Variants in PALS2 observed in about 807,000 individuals in gnomAD.
The protein encoded by PALS2 is protein associated with LIN7 2, MAGUK p55 family member, also known as protein PALS2.
A neutral mutation model predicts 61.6 loss-of-function variants in PALS2; 27 were observed. That is an observed-to-expected ratio of 0.44 (90% CI 0.32 to 0.60). PALS2 has a LOEUF of 0.60. Ranked by LOEUF, PALS2 falls within the 20% of genes least tolerant of loss-of-function variation. The pLI is 0.05. For synonymous variants in PALS2, 236 were observed against 218.6 expected, an observed-to-expected ratio of 1.08 and a Z score of -0.70; for missense variants, 554 against 639.4, an observed-to-expected ratio of 0.87 and a Z score of 1.44.
chr7:24,640,358 T>A (rs1160562661), intron 2 of PALS2, among the ~76,000 whole-genome samples: 1 of 152,164 alleles, frequency 6.6e-6, no homozygotes, highest in Non-Finnish European at 1.5e-5. Context: ...GCAAGAAAAA[T>A]TGTCTTTTAA....
At chr7:24,587,524 C>A (rs7800479) in intron 1 of PALS2, among the ~76,000 whole-genome samples, 9,512 of 146,688 alleles carry the variant, frequency 0.065, 355 homozygotes, top group African/African-American at 0.098. Flanking sequence ...ACCACTATGC[C>A]CAGCTAATTT....
At chr7:24,669,977 G>A (rs1461095574) in intron 9 of PALS2, among the ~76,000 whole-genome samples, 3 of 151,958 alleles carry the variant, frequency 2.0e-5, no homozygotes, top group Admixed American at 6.6e-5. Context: ...CATATAATGG[G>A]GAAAAAAATA....
At chr7:24,682,255 A>G (rs1029841206) in intron 11 of PALS2, among the ~76,000 whole-genome samples, 11 of 152,110 alleles carry the variant, frequency 7.2e-5, no homozygotes, top group African/African-American at 2.7e-4. Context: ...CTAAGGGGGA[A>G]TAGGTACCAT....
At chr7:24,591,307 G>C (rs1392767367) in intron 1 of PALS2, among the ~76,000 whole-genome samples, 1 of 152,130 alleles carries the variant, frequency 6.6e-6, no homozygotes, top group African/African-American at 2.4e-5. Context: ...AAGAGGGACA[G>C]GGTCAGGAAT....
intron 9 of PALS2, among the ~76,000 whole-genome samples, chr7:24,671,864 T>G (rs758818774): frequency 3.9e-5 from 6 of 151,976 alleles, no homozygotes; most frequent in Non-Finnish European, 7.4e-5. Context: ...TGTCAAGATT[T>G]ATTTATAAAC....
At chr7:24,637,296 C>CTTTT (rs35499781) in intron 2 of PALS2, among the ~76,000 whole-genome samples, 9 of 109,474 alleles carry the variant, frequency 8.2e-5, no homozygotes, top group East Asian at 2.7e-4. Flanking sequence ...ACTTACTCAT[C>CTTTT]TTTTTTTTTT....
At chr7:24,658,170 T>A (rs188720677) in intron 5 of PALS2, among the ~76,000 whole-genome samples, 13 of 152,342 alleles carry the variant, frequency 8.5e-5, no homozygotes, top group Admixed American at 6.5e-4. Context: ...TTTTCAAGTT[T>A]ACTAATCTTT....
In PALS2 at chr7:24,618,700, AAGG is replaced by A. The variant is rs536727396; in HGVS notation, c.-2-4963_-2-4961del. ...TCCCCTACCAAGCCTCCGCTCCCAC[AAGG>A]AGAAGTCCCTTCTGACTCTGGGCCA... is the stretch of plus-strand genomic sequence containing the variant. On this transcript the variant is annotated intron_variant, in intron 1 of 11. Coordinates refer to ENST00000222644, the MANE Select transcript of PALS2 (RefSeq NM_001303037.2). This position sits in a 1 kb window ranked among gnomAD's most constrained non-coding sequence, Gnocchi z 5.1. 7.2e-3 allele frequency among the ~76,000 whole-genome samples: 1,093 copies of A among 152,332 alleles called. 8 individuals carry two copies. Among genetic ancestry groups the A allele is most frequent in the Non-Finnish European group, 0.011 (770 of 68,022 alleles).
chr7:24,582,344 A>T (rs1782876978), intron 1 of PALS2, among the ~76,000 whole-genome samples: 1 of 152,222 alleles, frequency 6.6e-6, no homozygotes, highest in African/African-American at 2.4e-5. Flanking sequence ...TTCTAGTCGC[A>T]GCTCATTTGA....
chr7:24,658,862 C>G (rs948965243), intron 5 of PALS2, among the ~76,000 whole-genome samples: 1 of 151,950 alleles, frequency 6.6e-6, no homozygotes, highest in Non-Finnish European at 1.5e-5. Flanking sequence ...GCCCTTCCAA[C>G]TTCTAGGTTC....
intron 2 of PALS2, among the ~76,000 whole-genome samples, chr7:24,633,289 CCT>C (rs1491089434): frequency 3.6e-5 from 5 of 140,108 alleles, no homozygotes; most frequent in South Asian, 4.3e-4. Context: ...TTGAAAAAGT[CCT>C]TTTTTTTTTT....
intron 5 of PALS2, among the ~76,000 whole-genome samples, chr7:24,660,459 A>G (rs1008337882): frequency 6.6e-6 from 1 of 152,100 alleles, no homozygotes; most frequent in African/African-American, 2.4e-5. Flanking sequence ...CATAGTACAC[A>G]TGCTATTCTG....
intron 1 of PALS2, among the ~76,000 whole-genome samples, chr7:24,584,888 C>T (rs1331875471): frequency 6.6e-6 from 1 of 151,940 alleles, no homozygotes; most frequent in Non-Finnish European, 1.5e-5. Context: ...TATGGCTAGC[C>T]AGTGGTCCCA....
intron 2 of PALS2, among the ~76,000 whole-genome samples, chr7:24,639,814 A>ATTTTTTTTTTTTT (rs61073575): frequency 5.2e-5 from 5 of 96,250 alleles, no homozygotes; most frequent in Admixed American, 1.2e-4. Context: ...TTCTAGTCTA[A>ATTTTTTTTTTTTT]TTTTTTTTTT....
chr7:24,587,322 TATTAA>T (rs906678794), intron 1 of PALS2, among the ~76,000 whole-genome samples: 2 of 151,956 alleles, frequency 1.3e-5, no homozygotes, highest in Non-Finnish European at 2.9e-5. Flanking sequence ...AAATTATTAT[TATTAA>T]ATTAGAGGAA....
chr7:24,609,715 A>G (rs1451245711), intron 1 of PALS2, among the ~76,000 whole-genome samples: 1 of 151,534 alleles, frequency 6.6e-6, no homozygotes, highest in Non-Finnish European at 1.5e-5. Context: ...CTTTTTTTTC[A>G]GGCTCCCACA....
intron 1 of PALS2, among the ~76,000 whole-genome samples, chr7:24,584,394 G>A (rs1583829054): frequency 2.6e-5 from 4 of 151,112 alleles, no homozygotes; most frequent in South Asian, 2.1e-4. Flanking sequence ...GTTTTGATTT[G>A]CCTTTCTCTG....
At chr7:24,678,374 AGGT>A (rs1244130920) in intron 9 of PALS2, among the ~76,000 whole-genome samples, 1 of 152,210 alleles carries the variant, frequency 6.6e-6, no homozygotes, top group African/African-American at 2.4e-5. Context: ...AGAGGAGAGG[AGGT>A]TAATAGACCA....
chr7:24,628,750 A>G (rs995989250), intron 2 of PALS2, among the ~76,000 whole-genome samples: 1 of 152,150 alleles, frequency 6.6e-6, no homozygotes, highest in Non-Finnish European at 1.5e-5. Context: ...CACAATTGCT[A>G]CAAAGAGAAT....
Sources: gnomAD v4.1 joint callset for allele counts (sites outside exome capture counted in the v4.1 genomes callset) on GRCh38, gnomAD v4.1.1 for gene constraint, Gnocchi (gnomAD v3.1) non-coding constraint, MANE v1.5 for transcripts, NCBI Gene and HGNC (gene_info 2026-07-23, HGNC 2026-07-21) for gene names.